Variants in PIGP observed in about 807,000 individuals in gnomAD.
PIGP encodes phosphatidylinositol N-acetylglucosaminyltransferase subunit P.
In PIGP, 12 loss-of-function variants were observed where a neutral mutation model predicts 16.9. That is an observed-to-expected ratio of 0.71 (90% CI 0.46 to 1.15). The LOEUF (loss-of-function observed/expected upper bound fraction) is 1.15, where lower values mean the gene tolerates loss of function less well. PIGP is among the 50% of genes most tolerant of loss of function. PIGP has a pLI of 0.00. For missense variants in PIGP, 159 were observed against 153.5 expected (o/e 1.04, Z -0.19); for synonymous variants, 57 against 54.7 (o/e 1.04, Z -0.18).
Position 37,067,385 on chromosome 21 carries a change from CAA to C in PIGP, c.156-7_156-6del. 6.8e-7 allele frequency: 1 copy of C among 1,473,802 alleles called. No individual in the cohort carries two copies. The highest frequency in any genetic ancestry group is 9.5e-7 in the Non-Finnish European group (1 of 1,053,374). The allele number at this position is 1,473,802 out of a possible 1,614,324, so 91.3% of individuals were successfully genotyped here. ...GGTAATGCAACTGCCCAATATCTGCCAAAGAGAATATTAAAGTACATAATAGA... is the reference window on the plus strand; with the variant it reads ...GGTAATGCAACTGCCCAATATCTGCCAGAGAATATTAAAGTACATAATAGA... On this transcript the variant is annotated splice_polypyrimidine_tract_variant and splice_region_variant and intron_variant, in intron 3 of 4. Coordinates refer to ENST00000360525, the MANE Select transcript of PIGP (RefSeq NM_153682.3).
chr21:37,067,711 G>A (rs1056340557), intron 3 of PIGP, among the ~76,000 whole-genome samples: 9 of 152,064 alleles, frequency 5.9e-5, no homozygotes, highest in African/African-American at 2.2e-4. Context: ...TTCCTAATAT[G>A]GAGATAAGGA....
At chr21:37,066,614 T>C (rs2069907339) in intron 4 of PIGP, among the ~76,000 whole-genome samples, 1 of 152,214 alleles carries the variant, frequency 6.6e-6, no homozygotes, top group African/African-American at 2.4e-5. Flanking sequence ...TTGTGGCTCT[T>C]TTATCCACTT....
intron 4 of PIGP, among the ~76,000 whole-genome samples, chr21:37,066,937 T>C (rs1219337302): frequency 6.6e-6 from 1 of 152,092 alleles, no homozygotes; most frequent in Non-Finnish European, 1.5e-5. Flanking sequence ...TATAAGTTTG[T>C]ATTTATTTCT....
rs796697238 is a variant in PIGP, at chr21:37,072,787, C to A, written c.-23+213G>T. 1.2e-5 allele frequency: 7 copies of A among 581,692 alleles called. No homozygotes were observed. In the African/African-American group the frequency reaches 1.4e-4, roughly 11 times the overall value. The allele number at this position is 581,692 out of a possible 1,614,324, so 36.0% of individuals were successfully genotyped here. A position where few individuals can be genotyped will look rare whatever the true frequency, so the allele number is the denominator to read the frequency against. On this transcript the variant is annotated intron_variant, in intron 1 of 4. Coordinates refer to ENST00000360525, the MANE Select transcript of PIGP (RefSeq NM_153682.3). Reference sequence around the variant, plus strand: ...GGGGCGATAGACGCGCGCTCCAGCTCTGCAAGCGTGGCCTCCCTGTGGGAG... The same window carrying A: ...GGGGCGATAGACGCGCGCTCCAGCTATGCAAGCGTGGCCTCCCTGTGGGAG...
intron 1 of PIGP, chr21:37,072,797 G>C (rs1335494482): frequency 3.6e-6 from 2 of 554,644 alleles, no homozygotes; most frequent in Non-Finnish European, 6.3e-6. Flanking sequence ...CTGCAAGCGT[G>C]GCCTCCCTGT....
At chr21:37,069,798 A>T (rs1337131303) in intron 2 of PIGP, among the ~76,000 whole-genome samples, 174 bp from the exon 3 acceptor site, 1 of 152,132 alleles carries the variant, frequency 6.6e-6, no homozygotes, top group Non-Finnish European at 1.5e-5. Context: ...CACAATTCTT[A>T]TAATACTTAT....
At chr21:37,069,655 A>C in intron 2 of PIGP, 31 bp from the exon 3 acceptor site, 1 of 1,422,648 alleles carries the variant, frequency 7.0e-7, no homozygotes, top group Non-Finnish European at 9.6e-7. Context: ...AAAAAGAGGA[A>C]GAGAAGTCAG....
At chr21:37,070,420 A>C (rs1176223060) in intron 2 of PIGP, among the ~76,000 whole-genome samples, 1 of 152,180 alleles carries the variant, frequency 6.6e-6, no homozygotes, top group Non-Finnish European at 1.5e-5. Context: ...TGCCCTCCCT[A>C]AACTTAAAAT....
chr21:37,069,296 T>A, intron 3 of PIGP: 1 of 144,776 alleles, frequency 6.9e-6, no homozygotes. Context: ...GTATCTTCAG[T>A]TTTTTTTTTT....
Position 37,065,692 on chromosome 21 carries a change from G to A in PIGP, c.295C>T (p.Gln99Ter). ...GCCTCCTCTTGGTATTTCTTCTGCT[G>A]TTGATTTTTTGCATAGTTATCTGTA... ...TITDNYAKNQQQKKYQEEAIP... is the reference protein window; with the variant it reads ...TITDNYAKNQ Residue 99 changes from glutamine (Q) to a stop codon, truncating the protein, a stop_gained, in exon 5 of 5, where the codon CAG becomes TAG. Transcript: ENST00000360525. LOFTEE classifies it high-confidence loss of function. The A allele has an allele frequency of 6.2e-7, 1 of 1,613,008 alleles. No individual in the cohort carries two copies. Among genetic ancestry groups the A allele is most frequent in the South Asian group, 1.1e-5 (1 of 90,898 alleles).
At chr21:37,072,327 G>C in intron 2 of PIGP, 107 bp downstream of exon 2, 4 of 1,596,836 alleles carry the variant, frequency 2.5e-6, no homozygotes, top group African/African-American at 2.7e-5. Context: ...AAGAGACATA[G>C]GGAGAAAGAA....
chr21:37,067,218 C>T, intron 4 of PIGP, 44 bp downstream of exon 4: 1 of 1,109,548 alleles, frequency 9.0e-7, no homozygotes, highest in Middle Eastern at 2.0e-4. Flanking sequence ...TGCTAATACT[C>T]CACTCTTTCA....
At chr21:37,066,674 A>G (rs1340168384) in intron 4 of PIGP, among the ~76,000 whole-genome samples, 3 of 152,132 alleles carry the variant, frequency 2.0e-5, no homozygotes, top group South Asian at 2.1e-4. Context: ...CACACCCCCA[A>G]AGTCCTTTTT....
rs114530906 is a variant in PIGP, at chr21:37,069,591, G to A, written c.116C>T (p.Ser39Phe). 2.9e-5 allele frequency: 45 copies of A among 1,570,048 alleles called. No homozygotes were observed. The African/African-American group carries it at 5.7e-4, about 20-fold the overall frequency. Residue 39 changes from serine (S) to phenylalanine (F), a missense_variant, in exon 3 of 5, where the codon TCT becomes TTT. Transcript: ENST00000360525. ...LYLVWAFIPE[S>F]WLNSLGLTYW... ...GGTTAAACCTAAAGAGTTTAGCCAA[G>A]ATTCAGGAATAAAGGCCCACACGAG...
Position 37,072,429 on chromosome 21 carries a change from C to CT in PIGP, c.82+4dup. 1 of 1,614,142 alleles carries CT rather than the reference C, an allele frequency of 6.2e-7. No homozygotes were observed. Among genetic ancestry groups the CT allele is most frequent in the South Asian group, 1.1e-5 (1 of 91,092 alleles). On this transcript the variant is annotated splice_donor_region_variant and intron_variant, in intron 2 of 4. Transcript: ENST00000360525. ...CCCCTGGCCATCCATCAGGAAAGTA[C>CT]TTACTGAAGCCAAATTGGGAGCTTA...
chr21:37,065,975 C>A (rs549165641), intron 4 of PIGP, among the ~76,000 whole-genome samples: 1 of 151,986 alleles, frequency 6.6e-6, no homozygotes. Context: ...CCCACCTACT[C>A]GGGAGGCTGA....
chr21:37,072,329 G>C, intron 2 of PIGP, 105 bp downstream of exon 2: 1 of 1,596,838 alleles, frequency 6.3e-7, no homozygotes, highest in Non-Finnish European at 8.5e-7. Context: ...GAGACATAGG[G>C]AGAAAGAATC....
At chr21:37,072,118 C>T (rs1263084394) in intron 2 of PIGP, 2 of 921,620 alleles carry the variant, frequency 2.2e-6, no homozygotes, top group Non-Finnish European at 3.7e-6. Context: ...TGACACTCAT[C>T]ACACTGAGCA....
intron 4 of PIGP, among the ~76,000 whole-genome samples, chr21:37,065,952 G>T (rs1026453641): frequency 1.3e-5 from 2 of 152,022 alleles, no homozygotes; most frequent in African/African-American, 4.8e-5. Context: ...GTGAGGTGGC[G>T]GGCGCCTGTA....
Sources: gnomAD v4.1 joint callset for allele counts (sites outside exome capture counted in the v4.1 genomes callset) on GRCh38, gnomAD v4.1.1 for gene constraint, MANE v1.5 for transcripts, NCBI Gene and HGNC (gene_info 2026-07-23, HGNC 2026-07-21) for gene names.